Variants in SIPA1L3 observed in about 807,000 individuals in gnomAD.
SIPA1L3 encodes signal-induced proliferation-associated 1-like protein 3.
A neutral mutation model predicts 150.1 loss-of-function variants in SIPA1L3; 59 were observed. The ratio of observed to expected loss-of-function variants is 0.39; its 90% CI spans 0.32 to 0.49. SIPA1L3 has a LOEUF of 0.49. SIPA1L3 is among the 20% of genes least tolerant of loss of function. The pLI is 0.86. For synonymous variants in SIPA1L3, 1,070 were observed against 1,077.6 expected (o/e 0.99, Z 0.14); for missense variants, 2,211 against 2,489.5 (o/e 0.89, Z 2.38).
chr19:38,046,735 C>T lies in SIPA1L3; in HGVS notation c.-311+17579C>T, dbSNP rs1292865375. Among the ~76,000 whole-genome samples the T allele has an allele frequency of 1.3e-5, 2 of 152,222 alleles. No individual in the cohort carries two copies. The highest frequency in any genetic ancestry group is 6.5e-5 in the Admixed American group (1 of 15,282). On this transcript the variant is annotated intron_variant, in intron 2 of 21. Coordinates refer to ENST00000222345, the MANE Select transcript of SIPA1L3 (RefSeq NM_015073.3). This position sits in a 1 kb window ranked among gnomAD's most constrained non-coding sequence, Gnocchi z 5.6. The stretch of plus-strand genomic sequence containing the variant: ...GAGCAGCTCCTCTGACCCCGCAACC[C>T]GGCATCTCCTGTGCCCGAGTGGCGT...
chr19:38,176,369 G>A (rs929386489), intron 15 of SIPA1L3, among the ~76,000 whole-genome samples: 1 of 151,040 alleles, frequency 6.6e-6, no homozygotes, highest in Non-Finnish European at 1.5e-5. Context: ...TTTTTTTAGG[G>A]TTGGTTTTTT....
Position 38,206,242 on chromosome 19 carries a change from G to C in SIPA1L3, c.*2G>C. 4 of 1,547,740 alleles carry C rather than the reference G, an allele frequency of 2.6e-6. No individual in the cohort carries two copies. Among genetic ancestry groups the C allele is most frequent in the Non-Finnish European group, 3.5e-6 (4 of 1,143,112 alleles). On this transcript the variant is annotated 3_prime_UTR_variant, in exon 22 of 22. Transcript: ENST00000222345. ...TGCAGGGAGAAGAAGGAGCTCTGAG[G>C]TGGGAGGCCGCCGCCCGCCTTCGCT...
At chr19:38,058,717 TG>T (rs1470567960) in intron 2 of SIPA1L3, among the ~76,000 whole-genome samples, 1 of 152,060 alleles carries the variant, frequency 6.6e-6, no homozygotes, top group African/African-American at 2.4e-5. Context: ...TTTGTTGTTT[TG>T]TTTTGTTTTT....
intron 13 of SIPA1L3, among the ~76,000 whole-genome samples, chr19:38,157,454 G>A (rs970228233): frequency 6.6e-6 from 1 of 152,148 alleles, no homozygotes; most frequent in Non-Finnish European, 1.5e-5. Context: ...GGATATGAAC[G>A]GAGCCCTGTT....
At chr19:38,091,856 G>A (rs538748932) in intron 4 of SIPA1L3, among the ~76,000 whole-genome samples, 1 of 152,000 alleles carries the variant, frequency 6.6e-6, no homozygotes, top group East Asian at 1.9e-4. Flanking sequence ...TCAGGAGTTC[G>A]AGACCAGACT....
rs1460908876 is a variant in SIPA1L3, at chr19:38,182,487, T to G, written c.4209-32T>G. The stretch of plus-strand genomic sequence containing the variant: ...CTTGCCAAATGTGGAATGGATTTGG[T>G]TTTTTTTATCTCTTTCATTTTTGCT... On this transcript the variant is annotated intron_variant, in intron 15 of 21. Coordinates refer to ENST00000222345, the MANE Select transcript of SIPA1L3 (RefSeq NM_015073.3). 3.2e-6 allele frequency: 3 copies of G among 931,646 alleles called. No homozygotes were observed. The South Asian group carries it at 6.5e-5, about 20-fold the overall frequency. 57.7% of individuals were successfully genotyped at this position (931,646 alleles called of 1,614,324 possible).
Position 38,023,344 on chromosome 19 carries a change from G to A in SIPA1L3, c.-378-5745G>A, listed in dbSNP as rs149022806. 1.3e-3 allele frequency among the ~76,000 whole-genome samples: 205 copies of A among 152,286 alleles called. No individual in the cohort carries two copies. In the Middle Eastern group the frequency reaches 0.017, roughly 13 times the overall value. On this transcript the variant is annotated intron_variant, in intron 1 of 21. Transcript: ENST00000222345. ...TCGTGTTTGTAGACCGCATCAATCC[G>A]CAAAAGAACCAGCGCTAAATCATTA...
intron 1 of SIPA1L3, among the ~76,000 whole-genome samples, chr19:37,949,177 A>G (rs1013812814): frequency 1.3e-5 from 2 of 152,162 alleles, no homozygotes; most frequent in Admixed American, 6.5e-5. Context: ...TCCATCTCCC[A>G]TCTCTGTCTC....
At chr19:38,134,128 C>G (rs112700764) in intron 10 of SIPA1L3, among the ~76,000 whole-genome samples, 1 of 151,864 alleles carries the variant, frequency 6.6e-6, no homozygotes, top group African/African-American at 2.4e-5. Flanking sequence ...GGACTACAGG[C>G]ATGCACCACC....
chr19:38,061,332 G>A (rs551571546), intron 2 of SIPA1L3, among the ~76,000 whole-genome samples: 5 of 152,176 alleles, frequency 3.3e-5, no homozygotes, highest in African/African-American at 1.2e-4. Context: ...CCAGCGTGCT[G>A]GGATTACAGG....
At position 38,162,345 on chromosome 19, in the gene SIPA1L3, A is replaced by C. The variant is rs778512443; in HGVS notation, c.3754A>C (p.Lys1252Gln). The change falls in exon 14 of 22, where the codon AAA (lysine) becomes CAA (glutamine). Residue 1252 changes from lysine to glutamine, a missense_variant. Lys to Gln is a moderately conservative substitution (Grantham distance 53). Around this residue, in one of 5 missense-constraint regions of SIPA1L3, gnomAD observed 806 missense variants for 870.1 expected, o/e 0.93. Transcript: ENST00000222345. ...CCCGTCCAGGCAGGATGCAGCAGGC[A>C]AAGATTCCCCCAACAGGCATTCCAA... ...KHPSRQDAAG[K>Q]DSPNRHSKGE... 5.0e-6 allele frequency: 8 copies of C among 1,614,050 alleles called. No individual in the cohort carries two copies. Among genetic ancestry groups the C allele is most frequent in the Non-Finnish European group, 6.8e-6 (8 of 1,180,004 alleles).
Position 38,130,509 on chromosome 19 carries a change from T to C in SIPA1L3, c.2880T>C (p.Ser960=), listed in dbSNP as rs767314523. The change falls in exon 10 of 22, where the codon AGT becomes AGC. Residue 960 remains serine (S), a synonymous_variant. Transcript: ENST00000222345. ...CCTGTGGCCTGCAGGTGATGACCAG[T>C]GGCTGGGAGACGGTGGACATGACGC... is the stretch of plus-strand genomic sequence containing the variant. ...EIVQRLKVMT[S]GWETVDMTLR... is the part of the protein sequence containing the mutation. 6.2e-7 allele frequency: 1 copy of C among 1,611,526 alleles called. No individual in the cohort carries two copies. Among genetic ancestry groups the C allele is most frequent in the Non-Finnish European group, 8.5e-7 (1 of 1,179,174 alleles).
At chr19:38,062,621 A>ATT (rs11392353) in intron 2 of SIPA1L3, among the ~76,000 whole-genome samples, 13,711 of 132,190 alleles carry the variant, frequency 0.1, 825 homozygotes, top group Non-Finnish European at 0.15. Context: ...TATTATTATT[A>ATT]TTTTTTTTTT....
intron 1 of SIPA1L3, among the ~76,000 whole-genome samples, chr19:37,945,073 C>A (rs892359703): frequency 6.6e-6 from 1 of 152,178 alleles, no homozygotes; most frequent in African/African-American, 2.4e-5. Flanking sequence ...GAAAAATAAT[C>A]TAACATAAAG....
chr19:38,028,805 G>T (rs1196460773), intron 1 of SIPA1L3, among the ~76,000 whole-genome samples: 1 of 150,252 alleles, frequency 6.7e-6, no homozygotes, highest in Admixed American at 6.7e-5. Context: ...TGATTCTCCT[G>T]CCTCAGCCTC....
At chr19:38,125,634 G>A (rs891477386) in intron 9 of SIPA1L3, among the ~76,000 whole-genome samples, 7 of 152,084 alleles carry the variant, frequency 4.6e-5, no homozygotes, top group South Asian at 2.1e-4. Flanking sequence ...GGGCAGGCCC[G>A]TTTTGAATGA....
At chr19:38,084,635 C>CTTTTTTT (rs902218818) in intron 3 of SIPA1L3, among the ~76,000 whole-genome samples, 118 of 104,458 alleles carry the variant, frequency 1.1e-3, no homozygotes, top group African/African-American at 1.4e-3. Context: ...TTTTCTTTTT[C>CTTTTTTT]TTTTTTTTTT....
intron 9 of SIPA1L3, among the ~76,000 whole-genome samples, chr19:38,127,256 GTTCT>G (rs1971198276): frequency 6.6e-6 from 1 of 152,162 alleles, no homozygotes; most frequent in Non-Finnish European, 1.5e-5. Context: ...GGCTGATCTT[GTTCT>G]TTCTTCCTTC....
At position 37,924,454 on chromosome 19, in the gene SIPA1L3, CTAAAA is replaced by C. The variant is rs138164225; in HGVS notation, c.-379+17100_-379+17104del. Among the ~76,000 whole-genome samples the C allele has an allele frequency of 5.8e-3, 860 of 148,060 alleles. 10 individuals carry two copies. The highest frequency in any genetic ancestry group is 0.02 in the African/African-American group (812 of 39,980). On this transcript the variant is annotated intron_variant, in intron 1 of 21. Coordinates refer to ENST00000222345, the MANE Select transcript of SIPA1L3 (RefSeq NM_015073.3). ...TGTATATAAGTAGAAGGAGCACACT[CTAAAA>C]TAACAATAAAAAGTATATATACAGA...
Sources: allele counts gnomAD v4.1 joint callset (sites outside exome capture counted in the v4.1 genomes callset), GRCh38; gene constraint gnomAD v4.1.1; regional missense constraint gnomAD v4.1.1; non-coding constraint Gnocchi (gnomAD v3.1); transcripts MANE v1.5; gene names NCBI Gene and HGNC (gene_info 2026-07-23, HGNC 2026-07-21).